DCC: variants seen among roughly 807,000 people sequenced by gnomAD.
The protein encoded by DCC is DCC netrin 1 receptor, also known as netrin receptor DCC.
Under a neutral mutation model 172.5 loss-of-function variants are expected in DCC, and 58 were observed. That is an observed-to-expected ratio of 0.34 (90% CI 0.27 to 0.42). The LOEUF (loss-of-function observed/expected upper bound fraction) is 0.42, where lower values mean the gene tolerates loss of function less well. Ranked by LOEUF, DCC falls within the 10% of genes least tolerant of loss-of-function variation. DCC has a pLI of 1.00. For synonymous variants in DCC, 709 were observed against 644.5 expected (o/e 1.10, Z -1.52); for missense variants, 1,740 against 1,791.0 (o/e 0.97, Z 0.51).
chr18:52,435,854 G>A (rs914940030), intron 1 of DCC, among the ~76,000 whole-genome samples: 3 of 152,080 alleles, frequency 2.0e-5, no homozygotes, highest in Non-Finnish European at 4.4e-5. Flanking sequence ...TGTGAGTGAC[G>A]GAGCACCTGC....
At chr18:53,141,795 C>G (rs1441995191) in intron 7 of DCC, among the ~76,000 whole-genome samples, 3 of 152,158 alleles carry the variant, frequency 2.0e-5, no homozygotes, top group Admixed American at 6.5e-5. Flanking sequence ...AAAAATGAAA[C>G]TTCCCACCCG....
At chr18:52,352,664 C>T (rs1984177599) in intron 1 of DCC, among the ~76,000 whole-genome samples, 1 of 152,156 alleles carries the variant, frequency 6.6e-6, no homozygotes, top group Admixed American at 6.5e-5. Context: ...TCCTGAGGGT[C>T]TTCTCTGTGG....
chr18:52,757,839 A>G (rs1361670557), intron 2 of DCC, among the ~76,000 whole-genome samples: 1 of 152,156 alleles, frequency 6.6e-6, no homozygotes, highest in Non-Finnish European at 1.5e-5. Flanking sequence ...AACTTACTGG[A>G]AAAAGCTAAG....
chr18:52,717,682 C>G (rs1343858176), intron 1 of DCC, among the ~76,000 whole-genome samples: 2 of 152,032 alleles, frequency 1.3e-5, no homozygotes, highest in African/African-American at 2.4e-5. Flanking sequence ...ACTTTTAACC[C>G]AGAATACCAC....
intron 1 of DCC, among the ~76,000 whole-genome samples, chr18:52,677,631 C>G (rs750862585): frequency 2.0e-5 from 3 of 152,116 alleles, no homozygotes; most frequent in Admixed American, 6.6e-5. Context: ...GAAGAAACTA[C>G]TGGCAACTTC....
intron 1 of DCC, among the ~76,000 whole-genome samples, chr18:52,458,310 A>C (rs1294625700): frequency 2.0e-5 from 3 of 152,096 alleles, no homozygotes; most frequent in Admixed American, 2.0e-4. Flanking sequence ...TGATTGAGCC[A>C]GGGTCACTGA....
intron 5 of DCC, among the ~76,000 whole-genome samples, chr18:52,986,123 C>G (rs2041289027): frequency 6.6e-6 from 1 of 152,114 alleles, no homozygotes; most frequent in South Asian, 2.1e-4. Context: ...CCAAATTTCT[C>G]TCTGCTCCAA....
intron 15 of DCC, among the ~76,000 whole-genome samples, chr18:53,373,057 C>T (rs2058075013): frequency 6.6e-6 from 1 of 152,162 alleles, no homozygotes; most frequent in Non-Finnish European, 1.5e-5. Context: ...TGCTATTCAT[C>T]ATTTTCTTTT....
intron 2 of DCC, among the ~76,000 whole-genome samples, chr18:52,798,034 C>CAGGTTGCTTGCACGA (rs138117889): frequency 0.014 from 1,764 of 128,270 alleles, 32 homozygotes; most frequent in African/African-American, 0.042. Flanking sequence ...CCCCAGATGC[C>CAGGTTGCTTGCACGA]AGGTTGCTTG....
At chr18:53,362,829 G>A (rs377369214) in intron 15 of DCC, among the ~76,000 whole-genome samples, 3 of 152,068 alleles carry the variant, frequency 2.0e-5, no homozygotes, top group South Asian at 2.1e-4. Context: ...TATTACTTAC[G>A]CTGCTGTATT....
In DCC at chr18:52,951,475, T is replaced by TC. The variant is rs573548631; in HGVS notation, c.985+26108dup. On this transcript the variant is annotated intron_variant, in intron 5 of 28. Transcript: ENST00000442544. ...CAGGTCCCGGTGTGTGATATTCTCC[T>TC]CCCTGTGTCCCTGTGTTCTCATTGC... 2.4e-3 allele frequency among the ~76,000 whole-genome samples: 371 copies of TC among 152,204 alleles called. 2 individuals are homozygous for TC. Among genetic ancestry groups the TC allele is most frequent in the African/African-American group, 8.5e-3 (354 of 41,526 alleles).
intron 1 of DCC, among the ~76,000 whole-genome samples, chr18:52,651,527 A>C (rs1280852026): frequency 6.6e-6 from 1 of 151,446 alleles, no homozygotes; most frequent in Non-Finnish European, 1.5e-5. Flanking sequence ...AGATGAGTAA[A>C]TATTGCATTA....
At chr18:52,645,967 G>T (rs1046540926) in intron 1 of DCC, among the ~76,000 whole-genome samples, 2 of 152,168 alleles carry the variant, frequency 1.3e-5, no homozygotes, top group African/African-American at 4.8e-5. Flanking sequence ...ATTACTTTCA[G>T]ATTTTTGCAA....
At chr18:52,796,828 G>A (rs1204070162) in intron 2 of DCC, among the ~76,000 whole-genome samples, 4 of 152,090 alleles carry the variant, frequency 2.6e-5, no homozygotes, top group Admixed American at 1.3e-4. Flanking sequence ...GGGGATCTTT[G>A]AGCTTCATCT....
At chr18:52,444,041 C>T (rs562073000) in intron 1 of DCC, among the ~76,000 whole-genome samples, 3 of 152,204 alleles carry the variant, frequency 2.0e-5, no homozygotes, top group Non-Finnish European at 4.4e-5. Flanking sequence ...ATAACAGATG[C>T]CCGGGATTTC....
intron 4 of DCC, among the ~76,000 whole-genome samples, chr18:52,924,548 A>G (rs2040172460): frequency 6.6e-6 from 1 of 152,210 alleles, no homozygotes; most frequent in African/African-American, 2.4e-5. Flanking sequence ...TAAACTCTCA[A>G]TAGAATGGAA....
intron 2 of DCC, among the ~76,000 whole-genome samples, chr18:52,850,142 T>C (rs1024602637): frequency 3.3e-5 from 5 of 152,188 alleles, no homozygotes; most frequent in African/African-American, 7.2e-5. Context: ...TTTCTACTTA[T>C]ACCCTATGAA....
chr18:52,960,945 C>G (rs2040832487), intron 5 of DCC, among the ~76,000 whole-genome samples: 2 of 152,104 alleles, frequency 1.3e-5, no homozygotes, highest in Admixed American at 1.3e-4. Flanking sequence ...ATTTTGATGG[C>G]TCTTTAGAGA....
intron 13 of DCC, 21 bp downstream of exon 13, chr18:53,305,740 G>C (rs1479150793): frequency 1.2e-6 from 2 of 1,612,004 alleles, no homozygotes; most frequent in African/African-American, 2.7e-5. Context: ...ACATGGTGTA[G>C]TCTTGCAAGG....
Sources: allele counts gnomAD v4.1 joint callset (sites outside exome capture counted in the v4.1 genomes callset), GRCh38; gene constraint gnomAD v4.1.1; transcripts MANE v1.5; gene names NCBI Gene and HGNC (gene_info 2026-07-23, HGNC 2026-07-21).